The following RBFOX1 variants were observed in gnomAD, a reference collection of about 807,000 sequenced individuals.
RBFOX1 encodes RNA binding fox-1 homolog 1.
In RBFOX1, 8 loss-of-function variants were observed where a neutral mutation model predicts 57.7. That is an observed-to-expected ratio of 0.14 (90% CI 0.08 to 0.25). The LOEUF (loss-of-function observed/expected upper bound fraction) is 0.25, where lower values mean the gene tolerates loss of function less well. Among genes scored for constraint, RBFOX1 ranks in the 10% least tolerant of loss-of-function variants. The pLI, the probability that RBFOX1 is intolerant of heterozygous loss-of-function variation, is 1.00. For missense variants in RBFOX1, 611 were observed against 548.5 expected (o/e 1.11, Z -1.14); for synonymous variants, 326 against 222.4 (o/e 1.47, Z -4.15).
At chr16:6,966,000 A>T (rs2084059073) in intron 3 of RBFOX1, among the ~76,000 whole-genome samples, 1 of 152,126 alleles carries the variant, frequency 6.6e-6, no homozygotes, top group African/African-American at 2.4e-5. Context: ...AAATGCTCAA[A>T]ATGGAGCGTA....
intron 2 of RBFOX1, among the ~76,000 whole-genome samples, chr16:6,489,777 A>G (rs1258229017): frequency 1.3e-5 from 2 of 152,206 alleles, no homozygotes; most frequent in East Asian, 1.9e-4. Context: ...CACCTGGGTC[A>G]GGAGGTCTTG....
At chr16:6,851,591 A>C (rs1275025014) in intron 3 of RBFOX1, among the ~76,000 whole-genome samples, 2 of 152,184 alleles carry the variant, frequency 1.3e-5, no homozygotes, top group African/African-American at 4.8e-5. Flanking sequence ...CTTTCCCCTA[A>C]GAGATCTTGT....
At chr16:5,989,105 G>T (rs555822827) in intron 4 of RBFOX1, among the ~76,000 whole-genome samples, 2 of 151,638 alleles carry the variant, frequency 1.3e-5, no homozygotes, top group African/African-American at 4.8e-5. Context: ...TGGATCACGA[G>T]GTCAAGGGAT....
intron 3 of RBFOX1, among the ~76,000 whole-genome samples, chr16:6,901,875 G>A (rs569346089): frequency 1.1e-4 from 16 of 152,328 alleles, no homozygotes; most frequent in South Asian, 2.1e-4. Context: ...AGTTCCCCAT[G>A]TGAGCCTAAG....
intron 3 of RBFOX1, among the ~76,000 whole-genome samples, chr16:7,034,827 C>CTTTTTTTTTTTCTTTTTTTT (rs2043824001): frequency 1.7e-4 from 9 of 54,110 alleles, no homozygotes; most frequent in Non-Finnish European, 2.2e-4. Flanking sequence ...TATTGCATTA[C>CTTTTTTTTTTTCTTTTTTTT]TTTTTTTTTT....
Position 6,136,123 on chromosome 16 carries a change from G to C in RBFOX1, c.-127+116131G>C, listed in dbSNP as rs149952559. On this transcript the variant is annotated intron_variant, in intron 1 of 15. Transcript: ENST00000550418. ...TTTGACCTTTTTGCCATTGACTTTA[G>C]GTACTTTGTTAGACCATTGCTAAGC... is the stretch of plus-strand genomic sequence containing the variant. Among the ~76,000 whole-genome samples, 274 of 152,088 alleles carry C rather than the reference G, an allele frequency of 1.8e-3. 1 individual carries two copies. The highest frequency in any genetic ancestry group is 5.9e-3 in the African/African-American group (246 of 41,494).
rs561899200 is a variant in RBFOX1 at position 6,676,239 on chromosome 16, G to A, written c.-16+21589G>A. 3.3e-5 allele frequency among the ~76,000 whole-genome samples: 5 copies of A among 152,084 alleles called. 1 individual carries two copies. In the South Asian group the frequency reaches 1.0e-3, roughly 32 times the overall value. ...CTGGAGAATAGTAGAGGTGAGTGTT[G>A]TAGTTACGGGGAGTTCGGAGGAAGG... is the stretch of plus-strand genomic sequence containing the variant. On this transcript the variant is annotated intron_variant, in intron 3 of 15. Transcript: ENST00000550418.
rs577390814 is a variant in RBFOX1, at chr16:7,189,737, G to T, written c.27+137639G>T. ...GGGGTCTAGGTCAGCAGTTCCCGTG[G>T]TTCCCACAGACACCTGCAGGCAATC... On this transcript the variant is annotated intron_variant, in intron 4 of 15. Transcript: ENST00000550418. Among the ~76,000 whole-genome samples the T allele has an allele frequency of 3.3e-5, 5 of 152,318 alleles. No individual in the cohort carries two copies. The East Asian group carries it at 9.7e-4, about 29-fold the overall frequency.
At chr16:7,504,439 C>T (rs539931177) in intron 4 of RBFOX1, among the ~76,000 whole-genome samples, 1 of 151,428 alleles carries the variant, frequency 6.6e-6, no homozygotes, top group Admixed American at 6.6e-5. Context: ...TCTAATTTTG[C>T]CTAGGATACT....
intron 11 of RBFOX1, among the ~76,000 whole-genome samples, chr16:7,650,223 C>T (rs368703439): frequency 6.6e-6 from 1 of 152,130 alleles, no homozygotes; most frequent in East Asian, 1.9e-4. Context: ...AAGAAAGAGA[C>T]CACTGAAAAT....
At chr16:6,921,141 C>G (rs914051509) in intron 3 of RBFOX1, among the ~76,000 whole-genome samples, 1 of 152,180 alleles carries the variant, frequency 6.6e-6, no homozygotes, top group African/African-American at 2.4e-5. Context: ...AGGCTGCCAT[C>G]TCTTCATTTA....
intron 14 of RBFOX1, among the ~76,000 whole-genome samples, chr16:7,699,890 T>C (rs766781735): frequency 3.6e-4 from 55 of 152,272 alleles, no homozygotes; most frequent in Admixed American, 6.5e-4. Context: ...CCCCAAGAAC[T>C]GGTCATTTGG....
At chr16:7,251,378 T>G (rs1292405297) in intron 4 of RBFOX1, among the ~76,000 whole-genome samples, 1 of 151,562 alleles carries the variant, frequency 6.6e-6, no homozygotes, top group South Asian at 2.1e-4. Context: ...TGACATTCCA[T>G]TGTAGATACA....
intron 4 of RBFOX1, among the ~76,000 whole-genome samples, chr16:7,132,551 T>C (rs1185236768): frequency 6.6e-6 from 1 of 150,404 alleles, no homozygotes; most frequent in Non-Finnish European, 1.5e-5. Context: ...GTGCCTTGCA[T>C]AATGGTGAGA....
chr16:7,359,562 C>T (rs935372103), intron 4 of RBFOX1, among the ~76,000 whole-genome samples: 1 of 152,158 alleles, frequency 6.6e-6, no homozygotes, highest in East Asian at 1.9e-4. Flanking sequence ...ATCTGAAGTA[C>T]CCATCCTTGT....
chr16:7,488,619 A>G (rs533818640), intron 4 of RBFOX1, among the ~76,000 whole-genome samples: 1 of 152,076 alleles, frequency 6.6e-6, no homozygotes, highest in African/African-American at 2.4e-5. Flanking sequence ...TTACACACCT[A>G]TCTACTATTT....
intron 4 of RBFOX1, among the ~76,000 whole-genome samples, chr16:7,296,667 C>T (rs751332371): frequency 1.2e-4 from 18 of 152,184 alleles, no homozygotes; most frequent in Non-Finnish European, 2.4e-4. Flanking sequence ...GCTGCTTTTG[C>T]TGCAATGAAT....
At chr16:6,985,839 A>AAAAC (rs1555718831) in intron 3 of RBFOX1, among the ~76,000 whole-genome samples, 1 of 122,716 alleles carries the variant, frequency 8.1e-6, no homozygotes, top group Non-Finnish European at 2.0e-5. Flanking sequence ...ATGTAAAAAA[A>AAAAC]AAAAAAAACA....
intron 2 of RBFOX1, among the ~76,000 whole-genome samples, chr16:6,383,003 A>C (rs535787632): frequency 2.6e-5 from 4 of 152,344 alleles, no homozygotes; most frequent in African/African-American, 9.6e-5. Context: ...GCTCAGCTGC[A>C]GAGGCAGCGA....
Sources: gnomAD v4.1 joint callset for allele counts (sites outside exome capture counted in the v4.1 genomes callset) on GRCh38, gnomAD v4.1.1 for gene constraint, MANE v1.5 for transcripts, NCBI Gene and HGNC (gene_info 2026-07-23, HGNC 2026-07-21) for gene names.